The following TOPORS variants were observed in gnomAD, a reference collection of about 807,000 sequenced individuals.
TOPORS encodes the protein TOP1 binding arginine/serine rich protein, E3 ubiquitin ligase, also known as E3 ubiquitin-protein ligase Topors.
A neutral mutation model predicts 81.4 loss-of-function variants in TOPORS; 25 were observed. The ratio of observed to expected loss-of-function variants is 0.31; its 90% CI spans 0.22 to 0.43. The LOEUF is 0.43. TOPORS is among the 20% of genes least tolerant of loss of function. The probability of loss-of-function intolerance (pLI) is 1.00; values close to 1 mark genes in which losing one functional copy is unlikely to be tolerated. For missense variants in TOPORS, 1,101 were observed against 1,267.0 expected (o/e 0.87, Z 1.99); for synonymous variants, 473 against 456.6 (o/e 1.04, Z -0.46).
At chr9:32,544,902 A>C (rs376344051) in intron 2 of TOPORS, among the ~76,000 whole-genome samples, 6 of 152,224 alleles carry the variant, frequency 3.9e-5, no homozygotes, top group African/African-American at 1.4e-4. Context: ...TTTCATATAC[A>C]TATGCCACTA....
intron 1 of TOPORS, chr9:32,551,319 T>G: frequency 2.3e-6 from 1 of 432,218 alleles, no homozygotes; most frequent in Non-Finnish European, 4.4e-6. Flanking sequence ...AAATTATCTT[T>G]AGTGTCTAGA....
Position 32,543,177 on chromosome 9 carries a change from C to A in TOPORS, c.1348G>T (p.Val450Phe). The A allele has an allele frequency of 1.2e-6, 2 of 1,613,948 alleles. No homozygotes were observed. Among genetic ancestry groups the A allele is most frequent in the Non-Finnish European group, 1.7e-6 (2 of 1,180,022 alleles). The change falls in exon 3 of 3, where the codon GTC becomes TTC. Residue 450 changes from valine to phenylalanine, a missense_variant. By Grantham distance (50) the Val-to-Phe change is conservative. Coordinates refer to ENST00000360538, the MANE Select transcript of TOPORS (RefSeq NM_005802.5). This position sits in a 1 kb window ranked among gnomAD's most constrained non-coding sequence, Gnocchi z 5.6. Reference protein sequence around the residue: ...NTSDSSDEELVTGGATSQIQG... With the variant: ...NTSDSSDEELFTGGATSQIQG... ...ATCTGAGACGTGGCTCCTCCTGTGA[C>A]AAGTTCTTCATCTGAACTGTCAGAA...
intron 2 of TOPORS, among the ~76,000 whole-genome samples, chr9:32,546,683 A>G (rs1821143959): frequency 1.3e-5 from 2 of 152,244 alleles, no homozygotes; most frequent in Non-Finnish European, 2.9e-5. Flanking sequence ...AAGTTCAAAT[A>G]AAATAAAATC....
At chr9:32,551,052 A>C in intron 1 of TOPORS, 84 bp from the exon 2 acceptor site, 1 of 1,469,830 alleles carries the variant, frequency 6.8e-7, no homozygotes, top group Non-Finnish European at 9.3e-7. Flanking sequence ...CGCGCATCAA[A>C]ACACAACACC....
chr9:32,540,701 A>G lies in TOPORS; in HGVS notation c.*686T>C, dbSNP rs192538022. 4 of 152,798 alleles carry G rather than the reference A, an allele frequency of 2.6e-5. No individual in the cohort carries two copies. The highest frequency in any genetic ancestry group is 2.0e-4 in the Admixed American group (3 of 15,314). The allele number at this position is 152,798 out of a possible 1,614,324, so 9.5% of individuals were successfully genotyped here. On this transcript the variant is annotated 3_prime_UTR_variant, in exon 3 of 3. Transcript: ENST00000360538. Reference sequence around the variant, plus strand: ...GTATTTATGACATAATTATGCCCTTAGCTACTTTCAAGATTTTAACTTTAC... The same window carrying G: ...GTATTTATGACATAATTATGCCCTTGGCTACTTTCAAGATTTTAACTTTAC...
intron 2 of TOPORS, among the ~76,000 whole-genome samples, chr9:32,547,999 A>ATTTTTTTTTTTTTTTT (rs747727912): frequency 3.6e-4 from 30 of 83,712 alleles, no homozygotes; most frequent in African/African-American, 5.2e-4. Flanking sequence ...CACGCTCGGC[A>ATTTTTTTTTTTTTTTT]TTTTTTTTTT....
chr9:32,543,917 G>C lies in TOPORS; in HGVS notation c.608C>G (p.Thr203Arg). The C allele has an allele frequency of 6.2e-7, 1 of 1,614,116 alleles. No individual in the cohort carries two copies. ...TACTCCACTATCCGGTGGAGTTGTT[G>C]TTCTTCTGTTCACAGGACCACTAGG... ...YSPSGPVNRR[T>R]TTPPDSGVLF... The change falls in exon 3 of 3, where the codon ACA (threonine) becomes AGA (arginine). Residue 203 changes from threonine to arginine, a missense_variant. Thr to Arg is a moderately conservative substitution (Grantham distance 71). Transcript: ENST00000360538. The surrounding 1 kb of genome is among the most constrained non-coding windows in gnomAD (Gnocchi z 5.6).
chr9:32,550,702 C>T, intron 2 of TOPORS, 72 bp downstream of exon 2: 1 of 1,578,130 alleles, frequency 6.3e-7, no homozygotes, highest in South Asian at 1.1e-5. Context: ...CCCGAGGCGC[C>T]GCTCCAGGCG....
Position 32,552,388 on chromosome 9 carries a change from G to GC in TOPORS, c.3+45dup, listed in dbSNP as rs759495909. ...CCACCGCCTGGGAGGTTACTGTAAG[G>GC]CCCGCAGCTCCCGCCAGCTCCCGCG... On this transcript the variant is annotated intron_variant, in intron 1 of 2. Coordinates refer to ENST00000360538, the MANE Select transcript of TOPORS (RefSeq NM_005802.5). 67 of 1,605,796 alleles carry GC rather than the reference G, an allele frequency of 4.2e-5. No homozygotes were observed. In the Admixed American group the frequency reaches 1.1e-3, roughly 26 times the overall value.
rs545833170 is a variant in TOPORS, at chr9:32,544,433, C to T, written c.199-107G>A. 1.6e-5 allele frequency: 17 copies of T among 1,088,620 alleles called. No homozygotes were observed. The East Asian group carries it at 4.2e-4, about 27-fold the overall frequency. The allele number at this position is 1,088,620 out of a possible 1,614,324, so 67.4% of individuals were successfully genotyped here. ...CTTGAAACTTATTTTGGTGAAAATA[C>T]TTAAGTGACCCATTACTTTTGTTTT... is the stretch of plus-strand genomic sequence containing the variant. On this transcript the variant is annotated intron_variant, in intron 2 of 2. Transcript: ENST00000360538.
At position 32,540,621 on chromosome 9, in the gene TOPORS, C is replaced by T. The variant is rs761650669; in HGVS notation, c.*766G>A. The stretch of plus-strand genomic sequence containing the variant: ...ATGATAGAAAGCAAATAAGATACTC[C>T]TCAAAATCAAAGAAAATAATTAAAA... On this transcript the variant is annotated 3_prime_UTR_variant, in exon 3 of 3. Coordinates refer to ENST00000360538, the MANE Select transcript of TOPORS (RefSeq NM_005802.5). 1 of 152,396 alleles carries T rather than the reference C, an allele frequency of 6.6e-6. No homozygotes were observed. The highest frequency in any genetic ancestry group is 1.5e-5 in the Non-Finnish European group (1 of 68,004). 9.4% of individuals were successfully genotyped at this position (152,396 alleles called of 1,614,324 possible). A position where few individuals can be genotyped will look rare whatever the true frequency, so the allele number is the denominator to read the frequency against.
chr9:32,541,850 T>C lies in TOPORS; in HGVS notation c.2675A>G (p.Lys892Arg), dbSNP rs1821065731. The change falls in exon 3 of 3, where the codon AAG (lysine) becomes AGG (arginine). Residue 892 changes from lysine (K) to arginine (R), a missense_variant. Physicochemically the swap from Lys to Arg is conservative, Grantham distance 26. Coordinates refer to ENST00000360538, the MANE Select transcript of TOPORS (RefSeq NM_005802.5). ...ATTATCTCCATGGTGTTTCTTATGC[T>C]TCTTCTTATGTTTCTTCTTTTTCTT... is the stretch of plus-strand genomic sequence containing the variant. ...HKKKKKKHKK[K>R]HKKHHGDNAS... is the part of the protein sequence containing the mutation. 3.7e-6 allele frequency: 6 copies of C among 1,614,122 alleles called. No individual in the cohort carries two copies. In the East Asian group the frequency reaches 1.3e-4, roughly 36 times the overall value.
chr9:32,551,093 C>T, intron 1 of TOPORS, 125 bp from the exon 2 acceptor site: 2 of 1,209,338 alleles, frequency 1.7e-6, no homozygotes, highest in African/African-American at 1.5e-5. Flanking sequence ...AGCAGATGGA[C>T]GCCGGCCTCG....
chr9:32,542,940 C>G lies in TOPORS; in HGVS notation c.1585G>C (p.Val529Leu), dbSNP rs753952744. ...EQSYSSGDSDVSRCSSPHSVL... is the reference protein window; with the variant it reads ...EQSYSSGDSDLSRCSSPHSVL... ...GAGTGTGGAGATGAGCATCTACTAA[C>G]ATCGCTATCACCAGAACTGTAAGAT... The change falls in exon 3 of 3, where the codon GTT (valine) becomes CTT (leucine). Residue 529 changes from valine (V) to leucine (L), a missense_variant. Val to Leu is a conservative substitution (Grantham distance 32). This residue lies in a region of TOPORS where 605 missense variants were observed against 636.1 expected (regional missense o/e 0.95). Coordinates refer to ENST00000360538, the MANE Select transcript of TOPORS (RefSeq NM_005802.5). 5.0e-6 allele frequency: 8 copies of G among 1,614,036 alleles called. No homozygotes were observed. In the African/African-American group the frequency reaches 1.1e-4, roughly 22 times the overall value.
Position 32,543,393 on chromosome 9 carries a change from C to T in TOPORS, c.1132G>A (p.Ala378Thr). Residue 378 changes from alanine (A) to threonine (T), a missense_variant, in exon 3 of 3, where the codon GCT becomes ACT. Physicochemically the swap from Ala to Thr is moderately conservative, Grantham distance 58. Coordinates refer to ENST00000360538, the MANE Select transcript of TOPORS (RefSeq NM_005802.5). The surrounding 1 kb of genome is among the most constrained non-coding windows in gnomAD (Gnocchi z 5.6). ...FDQHANYDCP[A>T]PSYEEGSHSD... ...TGGCTGCCTTCTTCGTATGAAGGAG[C>T]AGGGCAATCATAATTGGCATGCTGG... 6.2e-7 allele frequency: 1 copy of T among 1,613,812 alleles called. No homozygotes were observed.
At chr9:32,546,106 A>G (rs541308744) in intron 2 of TOPORS, among the ~76,000 whole-genome samples, 6 of 152,340 alleles carry the variant, frequency 3.9e-5, no homozygotes, top group African/African-American at 1.4e-4. Context: ...GGGTCCAGGT[A>G]TGTCTAGTCT....
rs1444356311 is a variant in TOPORS, at chr9:32,543,839, T to G, written c.686A>C (p.Gln229Pro). ...STRPRDVEIP[Q>P]FMRQIAVRRP... ...CCTTACTGCAATCTGTCTCATAAACTGAGGAATTTCAACATCTCTAGGTCT... is the reference window on the plus strand; with the variant it reads ...CCTTACTGCAATCTGTCTCATAAACGGAGGAATTTCAACATCTCTAGGTCT... Residue 229 changes from glutamine to proline, a missense_variant, in exon 3 of 3, where the codon CAG (glutamine) becomes CCG (proline). Gln to Pro is a moderately conservative substitution (Grantham distance 76, BLOSUM62 -1). Coordinates refer to ENST00000360538, the MANE Select transcript of TOPORS (RefSeq NM_005802.5). This position sits in a 1 kb window ranked among gnomAD's most constrained non-coding sequence, Gnocchi z 5.6. 3 of 1,614,052 alleles carry G rather than the reference T, an allele frequency of 1.9e-6. No individual in the cohort carries two copies. Among genetic ancestry groups the G allele is most frequent in the Non-Finnish European group, 2.5e-6 (3 of 1,180,026 alleles).
At position 32,551,584 on chromosome 9, in the gene TOPORS, T is replaced by C. The variant is rs150929101; in HGVS notation, c.4-616A>G. The C allele has an allele frequency of 1.8e-3, 458 of 253,150 alleles. 1 individual carries two copies. Among genetic ancestry groups the C allele is most frequent in the Middle Eastern group, 7.1e-3 (4 of 560 alleles). 15.7% of individuals were successfully genotyped at this position (253,150 alleles called of 1,614,324 possible). On this transcript the variant is annotated intron_variant, in intron 1 of 2. Transcript: ENST00000360538. ...CCTGAAATCTAGACTAAAACTCTTT[T>C]AAGATAACTGCGAGGTATAAAGAAC...
intron 2 of TOPORS, among the ~76,000 whole-genome samples, chr9:32,546,576 G>A (rs940471984): frequency 2.0e-5 from 3 of 152,116 alleles, no homozygotes; most frequent in Admixed American, 1.3e-4. Context: ...TTAGTTCTCT[G>A]AAATAGAATT....
Sources: gnomAD v4.1 joint callset for allele counts (sites outside exome capture counted in the v4.1 genomes callset) on GRCh38, gnomAD v4.1.1 for gene constraint, gnomAD v4.1.1 regional missense constraint, Gnocchi (gnomAD v3.1) non-coding constraint, MANE v1.5 for transcripts, NCBI Gene and HGNC (gene_info 2026-07-23, HGNC 2026-07-21) for gene names.